Variants in RGS6 observed in about 807,000 individuals in gnomAD.
RGS6 encodes the protein regulator of G protein signaling 6.
RGS6 carries 30 observed loss-of-function variants against 78.5 expected under a neutral mutation model. The observed-to-expected ratio is 0.38, with a 90% CI of 0.29 to 0.52. RGS6 has a LOEUF of 0.52. Ranked by LOEUF, RGS6 falls within the 20% of genes least tolerant of loss-of-function variation. RGS6 has a pLI of 0.85. For synonymous variants in RGS6, 206 were observed against 206.0 expected (o/e 1.00, Z 0.00); for missense variants, 495 against 609.7 (o/e 0.81, Z 1.98).
intron 2 of RGS6, among the ~76,000 whole-genome samples, chr14:72,174,771 T>C (rs2097082995): frequency 6.6e-6 from 1 of 152,230 alleles, no homozygotes; most frequent in South Asian, 2.1e-4. Context: ...ATCAGAGCTA[T>C]TCAACCATTG....
intron 2 of RGS6, among the ~76,000 whole-genome samples, chr14:72,260,334 G>A (rs1287418625): frequency 6.6e-6 from 1 of 152,140 alleles, no homozygotes; most frequent in Admixed American, 6.5e-5. Context: ...TGTTGGATGG[G>A]GCTTTCCCAA....
At chr14:72,161,813 C>T (rs1189901411) in intron 2 of RGS6, among the ~76,000 whole-genome samples, 6 of 152,222 alleles carry the variant, frequency 3.9e-5, no homozygotes, top group African/African-American at 7.2e-5. Flanking sequence ...TGCTGGATAA[C>T]AGATGAGAAA....
chr14:72,537,476 G>A (rs1446793945), intron 16 of RGS6: 1 of 702,238 alleles, frequency 1.4e-6, no homozygotes, highest in Admixed American at 2.0e-5. Context: ...GGGTATCCCA[G>A]TTGTCAGCAG....
chr14:72,520,453 C>A (rs1181444711), intron 15 of RGS6, among the ~76,000 whole-genome samples: 1 of 152,214 alleles, frequency 6.6e-6, no homozygotes, highest in African/African-American at 2.4e-5. Context: ...ACATGTCTAG[C>A]CACCTCTCTT....
intron 2 of RGS6, among the ~76,000 whole-genome samples, chr14:72,254,941 A>G (rs2056742198): frequency 6.6e-6 from 1 of 152,180 alleles, no homozygotes. Context: ...TGTTTTAACC[A>G]TATTACCTTG....
At chr14:72,046,819 C>G (rs2092881840) in intron 2 of RGS6, among the ~76,000 whole-genome samples, 1 of 152,218 alleles carries the variant, frequency 6.6e-6, no homozygotes, top group Non-Finnish European at 1.5e-5. Context: ...GGATATGGCT[C>G]TTCGAGTACC....
At chr14:72,556,347 A>AACTC (rs1216916424) in intron 17 of RGS6, among the ~76,000 whole-genome samples, 2 of 152,184 alleles carry the variant, frequency 1.3e-5, no homozygotes, top group African/African-American at 2.4e-5. Flanking sequence ...ATCTCATGAG[A>AACTC]ACTCACTCCC....
the RGS6 span, among the ~76,000 whole-genome samples, chr14:72,621,955 C>T: frequency 1.3e-5 from 2 of 152,112 alleles, no homozygotes; most frequent in Admixed American, 6.5e-5. Context: ...TAGGGATGAC[C>T]TGGAGGCTGT....
the RGS6 span, among the ~76,000 whole-genome samples, chr14:71,895,850 T>C: frequency 2.0e-5 from 3 of 152,096 alleles, no homozygotes; most frequent in Non-Finnish European, 4.4e-5. Flanking sequence ...AGCTGAGTCT[T>C]GCAGTAGAGG....
chr14:72,420,283 A>G (rs1350101864), intron 3 of RGS6, among the ~76,000 whole-genome samples: 2 of 152,220 alleles, frequency 1.3e-5, no homozygotes, highest in African/African-American at 4.8e-5. Flanking sequence ...TACATATTTG[A>G]AGTTAATATT....
intron 15 of RGS6, among the ~76,000 whole-genome samples, chr14:72,523,877 C>A (rs778352068): frequency 6.6e-6 from 1 of 151,946 alleles, no homozygotes; most frequent in Non-Finnish European, 1.5e-5. Flanking sequence ...GGATTTAATT[C>A]TCTGTTCCCA....
chr14:71,972,692 G>A lies in RGS6; in HGVS notation c.84+7817G>A, dbSNP rs566976279. Among the ~76,000 whole-genome samples the A allele has an allele frequency of 7.3e-4, 111 of 152,228 alleles. 1 individual carries two copies. The South Asian group carries it at 7.7e-3, about 11-fold the overall frequency. Reference sequence around the variant, plus strand: ...TGTTGGAGAAGTGGTAGGATTGGAGGTAGGAGGACAGTTTAGAGATTGAAC... The same window carrying A: ...TGTTGGAGAAGTGGTAGGATTGGAGATAGGAGGACAGTTTAGAGATTGAAC... On this transcript the variant is annotated intron_variant, in intron 2 of 17. Transcript: ENST00000553525.
At chr14:72,187,506 G>A (rs765590380) in intron 2 of RGS6, among the ~76,000 whole-genome samples, 5 of 152,116 alleles carry the variant, frequency 3.3e-5, no homozygotes, top group Admixed American at 6.6e-5. Context: ...CTACTTATGC[G>A]CAGAGATTTT....
chr14:71,946,660 T>C (rs4899406), intron 1 of RGS6, among the ~76,000 whole-genome samples: 143,119 of 152,236 alleles, frequency 0.94, 67,369 homozygotes, highest in East Asian at 0.99. Context: ...TGAATTGGAC[T>C]TTGGAGGACC....
chr14:71,968,369 C>A (rs2093635880), intron 2 of RGS6, among the ~76,000 whole-genome samples: 1 of 152,140 alleles, frequency 6.6e-6, no homozygotes, highest in Admixed American at 6.6e-5. Flanking sequence ...CTTACTTAGT[C>A]TTTTACAATA....
At chr14:72,540,270 G>A (rs2153508316) in intron 17 of RGS6, 176 bp downstream of exon 17, 2 of 1,530,102 alleles carry the variant, frequency 1.3e-6, no homozygotes, top group Middle Eastern at 1.8e-4. Context: ...TTCTCTTCTA[G>A]GGATGAAAAT....
chr14:72,454,696 A>C (rs2095584899), intron 4 of RGS6, 118 bp downstream of exon 4: 2 of 712,552 alleles, frequency 2.8e-6, no homozygotes, highest in Non-Finnish European at 4.8e-6. Context: ...GTGAATTCCA[A>C]GACGTGGAAT....
intron 2 of RGS6, among the ~76,000 whole-genome samples, chr14:72,133,209 A>G (rs183971830): frequency 2.6e-5 from 4 of 152,214 alleles, no homozygotes; most frequent in Admixed American, 6.5e-5. Context: ...CCCAAGTTTC[A>G]AGATCTCTGG....
chr14:72,352,086 C>A lies in RGS6; in HGVS notation c.85-9C>A. ...GAAAATAACACTTCTTTTCTTTAAC[C>A]TCTTTCAGATTGAAGACATCATTAC... On this transcript the variant is annotated splice_polypyrimidine_tract_variant and intron_variant, in intron 2 of 17. Transcript: ENST00000553525. The A allele has an allele frequency of 6.2e-7, 1 of 1,600,038 alleles. No homozygotes were observed. The highest frequency in any genetic ancestry group is 1.7e-4 in the Middle Eastern group (1 of 6,014).
Sources: gnomAD v4.1 joint callset for allele counts (sites outside exome capture counted in the v4.1 genomes callset) on GRCh38, gnomAD v4.1.1 for gene constraint, MANE v1.5 for transcripts, NCBI Gene and HGNC (gene_info 2026-07-23, HGNC 2026-07-21) for gene names.